The following NPAS3 variants were observed in gnomAD, a reference collection of about 807,000 sequenced individuals.
NPAS3 encodes neuronal PAS domain-containing protein 3.
NPAS3 carries 14 observed loss-of-function variants against 73.1 expected under a neutral mutation model. That is an observed-to-expected ratio of 0.19 (90% CI 0.13 to 0.30). The LOEUF (loss-of-function observed/expected upper bound fraction) is 0.30. Ranked by LOEUF, NPAS3 falls within the 10% of genes least tolerant of loss-of-function variation. The pLI is 1.00. For synonymous variants in NPAS3, 620 were observed against 541.5 expected (o/e 1.14, Z -2.01); for missense variants, 1,096 against 1,250.0 (o/e 0.88, Z 1.86).
intron 7 of NPAS3, among the ~76,000 whole-genome samples, chr14:33,753,374 C>A (rs1385193541): frequency 5.3e-5 from 7 of 131,784 alleles, no homozygotes; most frequent in South Asian, 4.6e-4. Context: ...AAAAAAAAAA[C>A]GTACACTCCA....
chr14:33,086,858 T>G (rs962209271), intron 2 of NPAS3, among the ~76,000 whole-genome samples: 1 of 152,028 alleles, frequency 6.6e-6, no homozygotes, highest in Non-Finnish European at 1.5e-5. Context: ...TGTCACTTCT[T>G]TTAATTTGCT....
intron 1 of NPAS3, among the ~76,000 whole-genome samples, chr14:32,966,920 C>T (rs2037196411): frequency 6.6e-6 from 1 of 151,622 alleles, no homozygotes; most frequent in African/African-American, 2.4e-5. Context: ...CAAAAATAGA[C>T]AAATGGGATT....
At chr14:33,042,912 C>T (rs1431787883) in intron 1 of NPAS3, among the ~76,000 whole-genome samples, 2 of 152,014 alleles carry the variant, frequency 1.3e-5, no homozygotes, top group Admixed American at 1.3e-4. Flanking sequence ...GAAGACAGTG[C>T]TAATAAATCT....
chr14:33,669,687 C>G (rs921236214), intron 5 of NPAS3, among the ~76,000 whole-genome samples: 1 of 152,162 alleles, frequency 6.6e-6, no homozygotes, highest in Non-Finnish European at 1.5e-5. Context: ...TAAACATGCT[C>G]ACTTCCAAAT....
At chr14:33,376,708 A>G (rs914224416) in intron 4 of NPAS3, among the ~76,000 whole-genome samples, 2 of 152,184 alleles carry the variant, frequency 1.3e-5, no homozygotes, top group Non-Finnish European at 2.9e-5. Context: ...TCCAGCCAAC[A>G]TGAGTTTATA....
At chr14:33,095,755 G>A (rs75740033) in intron 2 of NPAS3, among the ~76,000 whole-genome samples, 8,627 of 141,712 alleles carry the variant, frequency 0.061, 631 homozygotes, top group East Asian at 0.36. Flanking sequence ...TGCAAGCTCC[G>A]CCTCCCGGGT....
chr14:33,530,838 G>A (rs1011229799), intron 4 of NPAS3, among the ~76,000 whole-genome samples: 1 of 152,036 alleles, frequency 6.6e-6, no homozygotes, highest in African/African-American at 2.4e-5. Context: ...CTAAAAAATC[G>A]AAGGCTCTGG....
At chr14:33,462,146 G>A (rs17101274) in intron 4 of NPAS3, among the ~76,000 whole-genome samples, 4,338 of 152,284 alleles carry the variant, frequency 0.028, 197 homozygotes, top group African/African-American at 0.099. Context: ...TGTTGGTAAA[G>A]TGTGAGGGAC....
At chr14:33,557,957 AG>A (rs1423412676) in intron 4 of NPAS3, among the ~76,000 whole-genome samples, 5 of 152,238 alleles carry the variant, frequency 3.3e-5, no homozygotes, top group African/African-American at 1.2e-4. Flanking sequence ...TGACAGAGCA[AG>A]ACTCCGTCTC....
chr14:33,270,043 G>A (rs1027120438), intron 3 of NPAS3, among the ~76,000 whole-genome samples: 3 of 152,036 alleles, frequency 2.0e-5, no homozygotes, highest in African/African-American at 7.2e-5. Context: ...ACAGGGCAGG[G>A]GAAGGACAGC....
chr14:33,547,934 A>G (rs1290796038), intron 4 of NPAS3, among the ~76,000 whole-genome samples: 1 of 152,224 alleles, frequency 6.6e-6, no homozygotes, highest in Non-Finnish European at 1.5e-5. Context: ...AATTTTCTCA[A>G]CTGTGAAGTT....
chr14:33,047,331 C>G (rs1370525161), intron 1 of NPAS3, among the ~76,000 whole-genome samples: 1 of 152,102 alleles, frequency 6.6e-6, no homozygotes, highest in Non-Finnish European at 1.5e-5. Context: ...ATATGTGATA[C>G]CCACCCAGCT....
At chr14:33,802,929 C>T (rs2063751200), downstream of NPAS3, 1 of 152,186 alleles carries the variant, frequency 6.6e-6, no homozygotes, top group Non-Finnish European at 1.5e-5. Flanking sequence ...CCTTCCCCAT[C>T]CCCAAAATCT....
At chr14:32,993,416 G>T (rs957340013) in intron 1 of NPAS3, among the ~76,000 whole-genome samples, 1 of 152,150 alleles carries the variant, frequency 6.6e-6, no homozygotes, top group Non-Finnish European at 1.5e-5. Flanking sequence ...TGAGACATTC[G>T]AGAGGGAAAT....
intron 2 of NPAS3, among the ~76,000 whole-genome samples, chr14:33,119,618 A>G (rs2043169652): frequency 6.6e-6 from 1 of 152,124 alleles, no homozygotes; most frequent in East Asian, 1.9e-4. Context: ...GTGCTTTTAG[A>G]TGGAGTGCAT....
intron 1 of NPAS3, among the ~76,000 whole-genome samples, chr14:32,985,447 T>C (rs1329708343): frequency 6.6e-6 from 1 of 152,210 alleles, no homozygotes; most frequent in East Asian, 1.9e-4. Context: ...GCTATTCTCT[T>C]GCAAATGGGA....
chr14:33,558,512 G>A (rs2055473106), intron 4 of NPAS3, among the ~76,000 whole-genome samples: 1 of 152,004 alleles, frequency 6.6e-6, no homozygotes, highest in South Asian at 2.1e-4. Context: ...TGCCAACCTT[G>A]GCTTCCCAAA....
chr14:33,226,081 G>A (rs2047621331), intron 3 of NPAS3, among the ~76,000 whole-genome samples: 1 of 152,132 alleles, frequency 6.6e-6, no homozygotes, highest in Non-Finnish European at 1.5e-5. Context: ...CATTGTGTAT[G>A]TCACCGAAAA....
chr14:33,427,499 A>C (rs1429605752), intron 4 of NPAS3, among the ~76,000 whole-genome samples: 1 of 151,324 alleles, frequency 6.6e-6, no homozygotes, highest in Admixed American at 6.6e-5. Context: ...TATGTTCCCC[A>C]GTATCTAGTG....
Sources: allele counts gnomAD v4.1 joint callset (sites outside exome capture counted in the v4.1 genomes callset), GRCh38; gene constraint gnomAD v4.1.1; transcripts MANE v1.5; gene names NCBI Gene and HGNC (gene_info 2026-07-23, HGNC 2026-07-21).